The following FMNL2 variants were observed in gnomAD, a reference collection of about 807,000 sequenced individuals.
FMNL2 encodes the protein formin like 2.
FMNL2 carries 51 observed loss-of-function variants against 130.2 expected under a neutral mutation model. The observed-to-expected ratio is 0.39, with a 90% confidence interval of 0.31 to 0.49. The LOEUF (loss-of-function observed/expected upper bound fraction) is 0.49, where lower values mean the gene tolerates loss of function less well. Among genes scored for constraint, FMNL2 ranks in the 20% least tolerant of loss-of-function variants. FMNL2 has a pLI of 0.85. For synonymous variants in FMNL2, 465 were observed against 467.1 expected (o/e 1.00, Z 0.06); for missense variants, 977 against 1,316.2 (o/e 0.74, Z 3.99).
intron 1 of FMNL2, among the ~76,000 whole-genome samples, chr2:152,375,869 C>CTATATATATATATA (rs1376054574): frequency 2.6e-5 from 3 of 113,258 alleles, no homozygotes; most frequent in Non-Finnish European, 5.2e-5. Context: ...CTCTCTCTCT[C>CTATATATATATATA]TCTCTCTCTA....
At position 152,617,048 on chromosome 2, in the gene FMNL2, G is replaced by C; in HGVS notation, c.1213-43G>C. The C allele has an allele frequency of 1.9e-6, 3 of 1,566,190 alleles. No homozygotes were observed. The South Asian group carries it at 3.4e-5, about 18-fold the overall frequency. On this transcript the variant is annotated intron_variant, in intron 12 of 25. Transcript: ENST00000288670. Reference sequence around the variant, plus strand: ...TTTCTGAGAACTGAGGGCTGATCAAGATGATCCTGTATTGTGACAGCTTTC... The same window carrying C: ...TTTCTGAGAACTGAGGGCTGATCAACATGATCCTGTATTGTGACAGCTTTC...
chr2:152,640,996 C>G (rs992535109), intron 25 of FMNL2, 82 bp downstream of exon 25: 166 of 1,580,288 alleles, frequency 1.1e-4, no homozygotes, highest in Non-Finnish European at 7.5e-5. Context: ...TTTGCAGCTT[C>G]TTTTGTCCAG....
rs915467709 is a variant in FMNL2 at position 152,640,205 on chromosome 2, T to C, written c.3045+149T>C. ...CCTGGACACTTGGCAAATGGAAATA[T>C]GCTCATTGATTACTTTGTTCTGCAA... On this transcript the variant is annotated intron_variant, in intron 24 of 25. Coordinates refer to ENST00000288670, the MANE Select transcript of FMNL2 (RefSeq NM_052905.4). The C allele has an allele frequency of 4.7e-6, 3 of 633,868 alleles. No homozygotes were observed. The East Asian group carries it at 8.6e-5, about 18-fold the overall frequency. 39.3% of individuals were successfully genotyped at this position (633,868 alleles called of 1,614,324 possible).
intron 2 of FMNL2, among the ~76,000 whole-genome samples, chr2:152,527,747 A>G (rs2678295): frequency 0.016 from 2,433 of 152,214 alleles, 60 homozygotes; most frequent in African/African-American, 0.051. Flanking sequence ...TCTTTGATCT[A>G]TGGGAATCCC....
intron 1 of FMNL2, among the ~76,000 whole-genome samples, chr2:152,348,661 C>T (rs909781395): frequency 6.6e-6 from 1 of 152,158 alleles, no homozygotes; most frequent in African/African-American, 2.4e-5. Context: ...TCATGCTTCC[C>T]TGACTCCTTG....
chr2:152,609,508 T>C (rs890049227), intron 10 of FMNL2, among the ~76,000 whole-genome samples: 3 of 152,230 alleles, frequency 2.0e-5, no homozygotes, highest in Non-Finnish European at 2.9e-5. Context: ...TTCTGTATTT[T>C]TTTGTGGACA....
chr2:152,580,745 G>C (rs1224496757), intron 8 of FMNL2, among the ~76,000 whole-genome samples: 2 of 152,136 alleles, frequency 1.3e-5, no homozygotes, highest in African/African-American at 4.8e-5. Flanking sequence ...TTTTTGGTAA[G>C]TATACCTTCC....
At chr2:152,581,153 A>G (rs1008654783) in intron 9 of FMNL2, 104 bp downstream of exon 9, 40 of 915,932 alleles carry the variant, frequency 4.4e-5, no homozygotes, top group Admixed American at 3.0e-4. Context: ...CCTAAGGAAT[A>G]TAATAGTTAA....
intron 1 of FMNL2, among the ~76,000 whole-genome samples, chr2:152,485,333 A>G (rs569312080): frequency 2.6e-5 from 4 of 152,362 alleles, no homozygotes; most frequent in African/African-American, 4.8e-5. Flanking sequence ...TCTACTAAAA[A>G]TACAAAAATT....
At chr2:152,444,908 C>T (rs1370209009) in intron 1 of FMNL2, among the ~76,000 whole-genome samples, 4 of 152,224 alleles carry the variant, frequency 2.6e-5, no homozygotes, top group Non-Finnish European at 4.4e-5. Flanking sequence ...GGCAGGATCT[C>T]AGTCCTCTTC....
intron 1 of FMNL2, among the ~76,000 whole-genome samples, chr2:152,422,007 A>T (rs1424249637): frequency 6.6e-6 from 1 of 152,318 alleles, no homozygotes; most frequent in East Asian, 1.9e-4. Flanking sequence ...ACCGGTGTGG[A>T]TAGGTCAAAA....
chr2:152,467,178 TC>T (rs1368360536), intron 1 of FMNL2, among the ~76,000 whole-genome samples: 1 of 151,956 alleles, frequency 6.6e-6, no homozygotes, highest in Non-Finnish European at 1.5e-5. Context: ...GTCATTTGGC[TC>T]TTTTTTTTCT....
At chr2:152,632,227 C>T (rs1682223457) in intron 21 of FMNL2, 90 bp downstream of exon 21, 1 of 1,510,758 alleles carries the variant, frequency 6.6e-7, no homozygotes, top group Admixed American at 2.1e-5. Context: ...CTTTTCAGAA[C>T]CCATTTAAAA....
At chr2:152,508,061 A>G (rs1692271900) in intron 1 of FMNL2, among the ~76,000 whole-genome samples, 1 of 152,190 alleles carries the variant, frequency 6.6e-6, no homozygotes, top group African/African-American at 2.4e-5. Context: ...GCACCTCTCT[A>G]TTAAACAGTG....
intron 1 of FMNL2, among the ~76,000 whole-genome samples, chr2:152,446,308 T>C (rs531091992): frequency 6.6e-6 from 1 of 152,308 alleles, no homozygotes; most frequent in East Asian, 1.9e-4. Context: ...CAGAGCACTG[T>C]CTTATGGGTG....
chr2:152,377,515 A>T (rs1684238876), intron 1 of FMNL2, among the ~76,000 whole-genome samples: 1 of 152,252 alleles, frequency 6.6e-6, no homozygotes, highest in African/African-American at 2.4e-5. Context: ...AATTAAATGT[A>T]AATAAAAAAT....
chr2:152,571,737 G>A (rs539651584), intron 6 of FMNL2, among the ~76,000 whole-genome samples: 2 of 152,184 alleles, frequency 1.3e-5, no homozygotes, highest in African/African-American at 2.4e-5. Flanking sequence ...AGGACCTGAT[G>A]CAGGCTGCCT....
chr2:152,631,085 A>G (rs944645175), intron 20 of FMNL2, among the ~76,000 whole-genome samples: 5 of 152,140 alleles, frequency 3.3e-5, no homozygotes, highest in African/African-American at 1.2e-4. Flanking sequence ...GAGATTCACA[A>G]TAACTAAAAA....
chr2:152,381,025 A>G (rs377633967), intron 1 of FMNL2, among the ~76,000 whole-genome samples: 3 of 152,332 alleles, frequency 2.0e-5, no homozygotes, highest in South Asian at 4.1e-4. Context: ...CCTAATAAGT[A>G]GAGTTTCCTT....
Sources: gnomAD v4.1 joint callset for allele counts (sites outside exome capture counted in the v4.1 genomes callset) on GRCh38, gnomAD v4.1.1 for gene constraint, MANE v1.5 for transcripts, NCBI Gene and HGNC (gene_info 2026-07-23, HGNC 2026-07-21) for gene names.